The following LRRC31 variants were observed in gnomAD, a reference collection of about 807,000 sequenced individuals.
LRRC31 encodes the protein leucine rich repeat containing 31, also known as leucine-rich repeat-containing protein 31.
A neutral mutation model predicts 46.7 loss-of-function variants in LRRC31; 35 were observed. The ratio of observed to expected loss-of-function variants is 0.75; its 90% CI spans 0.57 to 0.99. LRRC31 has a LOEUF of 0.99. Ranked by LOEUF, LRRC31 falls within the 50% of genes least tolerant of loss-of-function variation. The pLI, the probability that LRRC31 is intolerant of heterozygous loss-of-function variation, is 0.00. For synonymous variants in LRRC31, 236 were observed against 235.1 expected (o/e 1.00, Z -0.03); for missense variants, 613 against 626.1 (o/e 0.98, Z 0.22).
Position 169,848,167 on chromosome 3 carries a change from A to G in LRRC31, c.1280T>C (p.Leu427Pro). The part of the protein sequence containing the change: ...TLKLSMSLQV[L>P]RLSSCSLVTE... ...CACCAGGGAACAGCTGCTCAGCCTC[A>G]GCACTTGAAGAGACATGGAAAGCTT... Residue 427 changes from leucine (L) to proline (P), a missense_variant, in exon 8 of 9, where the codon CTG becomes CCG. Coordinates refer to ENST00000316428, the MANE Select transcript of LRRC31 (RefSeq NM_024727.4). The G allele has an allele frequency of 6.2e-7, 1 of 1,614,140 alleles. No homozygotes were observed.
Position 169,841,917 on chromosome 3 carries a change from C to A in LRRC31, c.1328-1604G>T, listed in dbSNP as rs142663601. ...AAAATGAGCTGGGCATGGTGGCGGG[C>A]ACCTGTAATCCCAGCTACTCGGGAG... On this transcript the variant is annotated intron_variant, in intron 8 of 8. Coordinates refer to ENST00000316428, the MANE Select transcript of LRRC31 (RefSeq NM_024727.4). Among the ~76,000 whole-genome samples, 1,083 of 152,032 alleles carry A rather than the reference C, an allele frequency of 7.1e-3. 17 individuals carry two copies. Among genetic ancestry groups the A allele is most frequent in the African/African-American group, 0.024 (1,008 of 41,460 alleles).
chr3:169,839,432 T>C lies in LRRC31; in HGVS notation c.*550A>G. 1 of 152,300 alleles carries C rather than the reference T, an allele frequency of 6.6e-6. No individual in the cohort carries two copies. The highest frequency in any genetic ancestry group is 2.1e-4 in the South Asian group (1 of 4,828). The allele number at this position is 152,300 out of a possible 1,614,324, so 9.4% of individuals were successfully genotyped here. ...ATAAACCATAGAAAGGTACACTTTCTGATAAAAACCTACATAGACTACATT... is the reference window on the plus strand; with the variant it reads ...ATAAACCATAGAAAGGTACACTTTCCGATAAAAACCTACATAGACTACATT... On this transcript the variant is annotated 3_prime_UTR_variant, in exon 9 of 9. Coordinates refer to ENST00000316428, the MANE Select transcript of LRRC31 (RefSeq NM_024727.4).
intron 1 of LRRC31, among the ~76,000 whole-genome samples, chr3:169,867,155 A>G (rs1781359110): frequency 6.8e-6 from 1 of 147,856 alleles, no homozygotes; most frequent in Non-Finnish European, 1.5e-5. Context: ...AATTCAAGCG[A>G]TCCTCCCACC....
At chr3:169,849,626 G>A (rs903745993) in intron 7 of LRRC31, among the ~76,000 whole-genome samples, 9 of 152,204 alleles carry the variant, frequency 5.9e-5, no homozygotes, top group Non-Finnish European at 1.3e-4. Flanking sequence ...AGCCATGATA[G>A]TGCCACTGCA....
chr3:169,863,512 A>G (rs1428015433), intron 1 of LRRC31, among the ~76,000 whole-genome samples: 1 of 152,258 alleles, frequency 6.6e-6, no homozygotes, highest in African/African-American at 2.4e-5. Context: ...TGTAATCCAC[A>G]GCAGTCTTGT....
rs375126998 is a variant in LRRC31 at position 169,840,253 on chromosome 3, T to G, written c.1388A>C (p.Asp463Ala). The G allele has an allele frequency of 1.9e-6, 3 of 1,614,016 alleles. No individual in the cohort carries two copies. Among genetic ancestry groups the G allele is most frequent in the Non-Finnish European group, 2.5e-6 (3 of 1,180,018 alleles). Residue 463 changes from aspartate (D) to alanine (A), a missense_variant, in exon 9 of 9, where the codon GAC (aspartate) becomes GCC (alanine). By Grantham distance (126) the Asp-to-Ala change is moderately radical. Transcript: ENST00000316428. ...GGTCCACCCCGCATCACAGATGCTG[T>G]CATTGTAGCTCAGGTCCAGCTTTTG... ...KLQKLDLSYN[D>A]SICDAGWTMF...
At chr3:169,863,327 A>G (rs1280571662) in intron 1 of LRRC31, among the ~76,000 whole-genome samples, 1 of 152,244 alleles carries the variant, frequency 6.6e-6, no homozygotes, top group African/African-American at 2.4e-5. Context: ...TTGAAATCCA[A>G]TAGGAAATAA....
Position 169,848,145 on chromosome 3 carries a change from C to A in LRRC31, c.1302G>T (p.Leu434=). 1 of 1,613,942 alleles carries A rather than the reference C, an allele frequency of 6.2e-7. No individual in the cohort carries two copies. The highest frequency in any genetic ancestry group is 1.1e-5 in the South Asian group (1 of 91,054). ...CCAGGAGAGCCACATCCTCTGTCAC[C>A]AGGGAACAGCTGCTCAGCCTCAGCA... ...LQVLRLSSCS[L]VTEDVALLAS... Residue 434 remains leucine, a synonymous_variant, in exon 8 of 9, where the codon CTG becomes CTT. Transcript: ENST00000316428.
rs745961429 is a variant in LRRC31, at chr3:169,860,645, T to C, written c.403A>G (p.Thr135Ala). The part of the protein sequence containing the change: ...GFVGGTLLSI[T>A]QQMHLVSKLK... The stretch of plus-strand genomic sequence containing the variant: ...TTGCTGACCAGATGCATTTGCTGAG[T>C]GATGGAAAGGAGGGTTCCACCTACA... The change falls in exon 3 of 9, where the codon ACT (threonine) becomes GCT (alanine). Residue 135 changes from threonine (T) to alanine (A), a missense_variant. Transcript: ENST00000316428. 1.2e-5 allele frequency: 20 copies of C among 1,613,994 alleles called. No individual in the cohort carries two copies. Among genetic ancestry groups the C allele is most frequent in the Non-Finnish European group, 1.7e-5 (20 of 1,180,010 alleles).
At chr3:169,851,118 T>A (rs1780749439) in intron 7 of LRRC31, among the ~76,000 whole-genome samples, 1 of 152,102 alleles carries the variant, frequency 6.6e-6, no homozygotes, top group Non-Finnish European at 1.5e-5. Flanking sequence ...CTCTAGTAAA[T>A]GGCTCACTTT....
At chr3:169,858,344 GT>G (rs769505377) in intron 3 of LRRC31, among the ~76,000 whole-genome samples, 1 of 152,142 alleles carries the variant, frequency 6.6e-6, no homozygotes, top group Non-Finnish European at 1.5e-5. Context: ...TCATTTTCTT[GT>G]TTTCTAAGGA....
chr3:169,841,999 C>T (rs144824579), intron 8 of LRRC31, among the ~76,000 whole-genome samples: 2,353 of 152,100 alleles, frequency 0.015, 62 homozygotes, highest in African/African-American at 0.053. Flanking sequence ...GAACCAAGAT[C>T]GTGCCACTGC....
intron 1 of LRRC31, among the ~76,000 whole-genome samples, chr3:169,863,275 T>C (rs1484193551): frequency 6.6e-6 from 1 of 152,210 alleles, no homozygotes; most frequent in Admixed American, 6.5e-5. Flanking sequence ...AAAGTGATTT[T>C]GTAAGTGAAA....
At chr3:169,841,374 C>T (rs947955855) in intron 8 of LRRC31, among the ~76,000 whole-genome samples, 4 of 152,188 alleles carry the variant, frequency 2.6e-5, no homozygotes, top group Admixed American at 1.3e-4. Context: ...TTTCCTCACA[C>T]GCATGGCTTT....
At chr3:169,844,946 A>C (rs1217943355) in intron 8 of LRRC31, among the ~76,000 whole-genome samples, 2 of 144,034 alleles carry the variant, frequency 1.4e-5, no homozygotes, top group African/African-American at 2.6e-5. Context: ...AAAAAAAAAA[A>C]AACAAAACAA....
intron 1 of LRRC31, among the ~76,000 whole-genome samples, chr3:169,862,594 C>G (rs186001392): frequency 4.1e-4 from 63 of 152,108 alleles, no homozygotes; most frequent in African/African-American, 1.5e-3. Flanking sequence ...AATGCTGTCT[C>G]TACTAAAATA....
chr3:169,856,566 T>C, intron 4 of LRRC31, 63 bp from the exon 5 acceptor site: 1 of 1,364,918 alleles, frequency 7.3e-7, no homozygotes, highest in South Asian at 1.5e-5. Flanking sequence ...TTACATCACC[T>C]GGGGATATCG....
intron 8 of LRRC31, among the ~76,000 whole-genome samples, chr3:169,843,775 C>T (rs1780520978): frequency 6.6e-6 from 1 of 152,128 alleles, no homozygotes; most frequent in Non-Finnish European, 1.5e-5. Flanking sequence ...AGGAATGAGA[C>T]AGGTGGTATC....
In LRRC31 at chr3:169,856,454, A is replaced by G. The variant is rs2108215619; in HGVS notation, c.705T>C (p.Ile235=). The change falls in exon 5 of 9, where the codon ATT becomes ATC. Residue 235 remains isoleucine (I), a synonymous_variant. Coordinates refer to ENST00000316428, the MANE Select transcript of LRRC31 (RefSeq NM_024727.4). ...LQSLEVLDLS[I]NRDIVGSLNS... ...TCAGACTGCCAACAATGTCTCTGTT[A>G]ATGGAAAGATCAAGTACTTCGAGAC... 1.2e-6 allele frequency: 2 copies of G among 1,605,732 alleles called. No individual in the cohort carries two copies. The highest frequency in any genetic ancestry group is 1.1e-5 in the South Asian group (1 of 89,582).
Sources: gnomAD v4.1 joint callset for allele counts (sites outside exome capture counted in the v4.1 genomes callset) on GRCh38, gnomAD v4.1.1 for gene constraint, MANE v1.5 for transcripts, NCBI Gene and HGNC (gene_info 2026-07-23, HGNC 2026-07-21) for gene names.